DSG2: variants seen among roughly 807,000 people sequenced by gnomAD.
DSG2 encodes desmoglein 2, also known as desmoglein-2.
In DSG2, 45 loss-of-function variants were observed where a neutral mutation model predicts 75.6. That is an observed-to-expected ratio of 0.60 (90% CI 0.47 to 0.76). The LOEUF (loss-of-function observed/expected upper bound fraction) is 0.76. Among genes scored for constraint, DSG2 ranks in the 30% least tolerant of loss-of-function variants. The pLI is 0.00. For synonymous variants in DSG2, 429 were observed against 483.9 expected (o/e 0.89, Z 1.49); for missense variants, 1,267 against 1,357.4 (o/e 0.93, Z 1.05).
intron 3 of DSG2, 71 bp from the exon 4 acceptor site, chr18:31,520,732 T>G: frequency 6.7e-7 from 1 of 1,502,890 alleles, no homozygotes; most frequent in Non-Finnish European, 9.2e-7. Flanking sequence ...CTTCTTAGGC[T>G]TTTGGCTAAG....
At chr18:31,536,590 T>C (rs1367957569) in intron 11 of DSG2, among the ~76,000 whole-genome samples, 161 bp downstream of exon 11, 5 of 152,250 alleles carry the variant, frequency 3.3e-5, no homozygotes, top group Non-Finnish European at 7.3e-5. Context: ...GTATCTTTTA[T>C]ATGCTTATGG....
intron 1 of DSG2, among the ~76,000 whole-genome samples, chr18:31,510,905 T>G (rs1435894136): frequency 6.6e-6 from 1 of 152,174 alleles, no homozygotes; most frequent in Non-Finnish European, 1.5e-5. Flanking sequence ...GAGGAAACCT[T>G]ATTGGCCATT....
chr18:31,535,232 C>G, intron 9 of DSG2, 38 bp from the exon 10 acceptor site: 1 of 1,405,536 alleles, frequency 7.1e-7, no homozygotes, highest in Non-Finnish European at 1.0e-6. Flanking sequence ...CCAATTCATG[C>G]AGAATTCAAA....
intron 8 of DSG2, among the ~76,000 whole-genome samples, chr18:31,526,114 A>C (rs2144325304): frequency 6.6e-6 from 1 of 152,346 alleles, no homozygotes; most frequent in Admixed American, 6.5e-5. Flanking sequence ...ATTGCCCTCA[A>C]GCCTGGGCAA....
intron 1 of DSG2, among the ~76,000 whole-genome samples, chr18:31,517,631 T>G (rs1018431587): frequency 6.7e-6 from 1 of 150,276 alleles, no homozygotes; most frequent in Non-Finnish European, 1.5e-5. Flanking sequence ...AAGATGGGAG[T>G]TTTTTGGGCA....
chr18:31,514,816 T>C (rs547162145), intron 1 of DSG2, among the ~76,000 whole-genome samples: 11 of 152,334 alleles, frequency 7.2e-5, no homozygotes, highest in Middle Eastern at 6.8e-3. Context: ...ATCTAGAAAG[T>C]AAATTCCAAT....
chr18:31,529,048 C>T (rs1026637493), intron 8 of DSG2, among the ~76,000 whole-genome samples: 5 of 151,752 alleles, frequency 3.3e-5, no homozygotes, highest in African/African-American at 9.7e-5. Context: ...AGGAGATGAA[C>T]GGATATTTTT....
Position 31,547,192 on chromosome 18 carries a change from A to G in DSG2, c.*449A>G, listed in dbSNP as rs1020754358. 2 of 265,892 alleles carry G rather than the reference A, an allele frequency of 7.5e-6. No homozygotes were observed. Among genetic ancestry groups the G allele is most frequent in the African/African-American group, 4.4e-5 (2 of 45,130 alleles). 16.5% of individuals were successfully genotyped at this position (265,892 alleles called of 1,614,324 possible). ...TTACTGCACCCAGCAGACTTTCAACAACTCATTGATCCAAAGATACATGCA... is the reference window on the plus strand; with the variant it reads ...TTACTGCACCCAGCAGACTTTCAACGACTCATTGATCCAAAGATACATGCA... On this transcript the variant is annotated 3_prime_UTR_variant, in exon 15 of 15. Coordinates refer to ENST00000261590, the MANE Select transcript of DSG2 (RefSeq NM_001943.5).
intron 8 of DSG2, among the ~76,000 whole-genome samples, chr18:31,525,314 G>A (rs769759084): frequency 1.3e-5 from 2 of 152,048 alleles, no homozygotes; most frequent in African/African-American, 4.8e-5. Context: ...TCAGGAGTTC[G>A]AGACCAGCCT....
At position 31,498,291 on chromosome 18, in the gene DSG2, C is replaced by T; in HGVS notation, c.40C>T (p.Leu14Phe). 2 of 1,265,034 alleles carry T rather than the reference C, an allele frequency of 1.6e-6. No individual in the cohort carries two copies. The highest frequency in any genetic ancestry group is 2.0e-6 in the Non-Finnish European group (2 of 999,776). The allele number at this position is 1,265,034 out of a possible 1,614,324, so 78.4% of individuals were successfully genotyped here. A position where few individuals can be genotyped will look rare whatever the true frequency, so the allele number is the denominator to read the frequency against. ...GGGACGCGCGTACGCCCTGCTGCTT[C>T]TCCTGGTAAGTGCCGCAAGCGGGAC... ...SPGRAYALLL[L>F]LICFNVGSGL... Residue 14 changes from leucine (L) to phenylalanine (F), a missense_variant, in exon 1 of 15, where the codon CTC becomes TTC. By Grantham distance (22) the Leu-to-Phe change is conservative. Coordinates refer to ENST00000261590, the MANE Select transcript of DSG2 (RefSeq NM_001943.5).
chr18:31,524,331 T>C lies in DSG2; in HGVS notation c.691-117T>C, dbSNP rs2073147635. The C allele has an allele frequency of 3.6e-6, 5 of 1,390,044 alleles. No homozygotes were observed. The South Asian group carries it at 4.9e-5, about 13-fold the overall frequency. The allele number at this position is 1,390,044 out of a possible 1,614,324, so 86.1% of individuals were successfully genotyped here. A position where few individuals can be genotyped will look rare whatever the true frequency, so the allele number is the denominator to read the frequency against. ...TCTTCACACAAATAATAGCAGATCA[T>C]AAAACAGATTTGTAAATAAAATATA... On this transcript the variant is annotated intron_variant, in intron 6 of 14. Coordinates refer to ENST00000261590, the MANE Select transcript of DSG2 (RefSeq NM_001943.5).
At chr18:31,521,702 A>C (rs2073129235) in intron 5 of DSG2, among the ~76,000 whole-genome samples, 1 of 152,172 alleles carries the variant, frequency 6.6e-6, no homozygotes, top group Non-Finnish European at 1.5e-5. Context: ...CCCGAATGAG[A>C]GATTTCTTTT....
chr18:31,506,451 T>TA (rs1341913923), intron 1 of DSG2, among the ~76,000 whole-genome samples: 1 of 152,216 alleles, frequency 6.6e-6, no homozygotes, highest in Admixed American at 6.5e-5. Context: ...CTGATCCACT[T>TA]ATTTGAGACC....
At chr18:31,524,339 AT>A in intron 6 of DSG2, 108 bp from the exon 7 acceptor site, 1 of 1,441,224 alleles carries the variant, frequency 6.9e-7, no homozygotes, top group South Asian at 1.2e-5. Flanking sequence ...CATAAAACAG[AT>A]TTGTAAATAA....
intron 1 of DSG2, among the ~76,000 whole-genome samples, chr18:31,513,920 AC>A (rs2073080149): frequency 6.6e-6 from 1 of 152,176 alleles, no homozygotes; most frequent in African/African-American, 2.4e-5. Context: ...CGTGAGAAAA[AC>A]AACAGATAAA....
Position 31,543,031 on chromosome 18 carries a change from A to T in DSG2, c.2334+179A>T. 5 of 556,288 alleles carry T rather than the reference A, an allele frequency of 9.0e-6. No homozygotes were observed. The South Asian group carries it at 1.5e-4, about 17-fold the overall frequency. 34.5% of individuals were successfully genotyped at this position (556,288 alleles called of 1,614,324 possible). ...AAAGAGAAATGGGACCCACAGAATC[A>T]GTCGGTGTTAGCTAAATTATGCTGC... is the stretch of plus-strand genomic sequence containing the variant. On this transcript the variant is annotated intron_variant, in intron 14 of 14. Transcript: ENST00000261590.
Position 31,542,759 on chromosome 18 carries a change from C to A in DSG2, c.2241C>A (p.Thr747=), listed in dbSNP as rs767628208. The change falls in exon 14 of 15, where the codon ACC becomes ACA. Residue 747 remains threonine (T), a synonymous_variant. Transcript: ENST00000261590. ...TCATGACCACTGAAACCACGAAGAC[C>A]GCAAGGGCCACAGGGGCTTCCAGAG... ...GAIMTTETTK[T]ARATGASRDM... is the part of the protein sequence containing the mutation. 2 of 1,613,654 alleles carry A rather than the reference C, an allele frequency of 1.2e-6. No homozygotes were observed. Among genetic ancestry groups the A allele is most frequent in the Non-Finnish European group, 1.7e-6 (2 of 1,179,900 alleles).
intron 12 of DSG2, 40 bp from the exon 13 acceptor site, chr18:31,541,153 A>G (rs371943281): frequency 5.7e-5 from 92 of 1,613,540 alleles, no homozygotes; most frequent in Admixed American, 1.0e-4. Context: ...GAAATATATC[A>G]AGGTTAACCT....
intron 14 of DSG2, 25 bp from the exon 15 acceptor site, chr18:31,545,685 CTGTTTTGTGTT>C (rs1391168117): frequency 1.9e-6 from 3 of 1,604,408 alleles, no homozygotes; most frequent in Admixed American, 1.7e-5. Flanking sequence ...AATTATTTGT[CTGTTTTGTGTT>C]TGTTTTGTTT....
Sources: allele counts gnomAD v4.1 joint callset (sites outside exome capture counted in the v4.1 genomes callset), GRCh38; gene constraint gnomAD v4.1.1; transcripts MANE v1.5; gene names NCBI Gene and HGNC (gene_info 2026-07-23, HGNC 2026-07-21).